The following PARP8 variants were observed in gnomAD, a reference collection of about 807,000 sequenced individuals.
PARP8 encodes protein mono-ADP-ribosyltransferase PARP8.
Under a neutral mutation model 124.1 loss-of-function variants are expected in PARP8, and 51 were observed. The ratio of observed to expected loss-of-function variants is 0.41; its 90% CI spans 0.33 to 0.52. The LOEUF is 0.52. PARP8 is among the 20% of genes least tolerant of loss of function. The probability of loss-of-function intolerance (pLI) is 0.21; values close to 1 mark genes in which losing one functional copy is unlikely to be tolerated. For missense variants in PARP8, 860 were observed against 1,018.9 expected (o/e 0.84, Z 2.12); for synonymous variants, 391 against 361.5 (o/e 1.08, Z -0.93).
At chr5:50,700,276 G>T (rs1369236379) in intron 2 of PARP8, among the ~76,000 whole-genome samples, 3 of 152,082 alleles carry the variant, frequency 2.0e-5, no homozygotes, top group African/African-American at 7.2e-5. Flanking sequence ...CCTTTAAATG[G>T]TTTTCCTCTT....
intron 24 of PARP8, 113 bp from the exon 25 acceptor site, chr5:50,834,818 T>A: frequency 1.2e-6 from 1 of 852,202 alleles, no homozygotes; most frequent in Non-Finnish European, 2.0e-6. Flanking sequence ...TATGTGTTCA[T>A]TAGTGCTTGT....
At chr5:50,753,661 G>A (rs895530451) in intron 3 of PARP8, among the ~76,000 whole-genome samples, 2 of 151,880 alleles carry the variant, frequency 1.3e-5, no homozygotes, top group East Asian at 1.9e-4. Flanking sequence ...ATTTAAAATA[G>A]GGATAATAAT....
In PARP8 at chr5:50,761,913, T is replaced by C. The variant is rs749063003; in HGVS notation, c.423+15T>C. ...ACGGAGGGCAGGTAAGGAAACCTGG[T>C]CTTCCAAATACCTAGTCTTAAAGTT... On this transcript the variant is annotated intron_variant, in intron 6 of 25. Coordinates refer to ENST00000281631, the MANE Select transcript of PARP8 (RefSeq NM_024615.4). 1.2e-5 allele frequency: 19 copies of C among 1,524,102 alleles called. No individual in the cohort carries two copies. In the African/African-American group the frequency reaches 2.5e-4, roughly 20 times the overall value. 94.4% of individuals were successfully genotyped at this position (1,524,102 alleles called of 1,614,324 possible). A position where few individuals can be genotyped will look rare whatever the true frequency, so the allele number is the denominator to read the frequency against.
In PARP8 at chr5:50,686,223, T is replaced by A. The variant is rs146019475; in HGVS notation, c.146+18098T>A. Among the ~76,000 whole-genome samples, 297 of 152,334 alleles carry A rather than the reference T, an allele frequency of 1.9e-3. 3 individuals are homozygous for A. Among genetic ancestry groups the A allele is most frequent in the African/African-American group, 6.8e-3 (281 of 41,578 alleles). ...TGCAGTCATTCCAAATGGGAGACAT[T>A]GGCCAAAACAGAGGGGCTACAGGCC... On this transcript the variant is annotated intron_variant, in intron 2 of 25. Transcript: ENST00000281631.
At chr5:50,702,125 G>C (rs1468656302) in intron 2 of PARP8, among the ~76,000 whole-genome samples, 1 of 151,980 alleles carries the variant, frequency 6.6e-6, no homozygotes, top group African/African-American at 2.4e-5. Context: ...GTATTCGTTT[G>C]CTTTTTCTTT....
At chr5:50,737,663 C>T (rs1757607849) in intron 2 of PARP8, among the ~76,000 whole-genome samples, 1 of 152,118 alleles carries the variant, frequency 6.6e-6, no homozygotes, top group African/African-American at 2.4e-5. Flanking sequence ...TTCATTGGAT[C>T]TTGGGTCAAC....
intron 16 of PARP8, 140 bp from the exon 17 acceptor site, chr5:50,822,195 T>G (rs1745834407): frequency 1.5e-6 from 1 of 668,962 alleles, no homozygotes; most frequent in Non-Finnish European, 2.7e-6. Context: ...CCCTTTTATG[T>G]ACACCAAACA....
At chr5:50,749,388 A>G (rs1758972721) in intron 2 of PARP8, among the ~76,000 whole-genome samples, 1 of 152,098 alleles carries the variant, frequency 6.6e-6, no homozygotes, top group Non-Finnish European at 1.5e-5. Context: ...AAATGATGAC[A>G]CTGCAAATAT....
intron 2 of PARP8, among the ~76,000 whole-genome samples, chr5:50,683,567 C>T (rs575675325): frequency 1.6e-4 from 25 of 152,052 alleles, no homozygotes; most frequent in Non-Finnish European, 2.9e-4. Context: ...TTAATATTGC[C>T]GGTCTCAGCA....
intron 7 of PARP8, among the ~76,000 whole-genome samples, chr5:50,771,617 A>C (rs374196345): frequency 6.6e-6 from 1 of 152,188 alleles, no homozygotes; most frequent in Non-Finnish European, 1.5e-5. Flanking sequence ...AATCAGTACA[A>C]ATTTCTTCTC....
intron 2 of PARP8, among the ~76,000 whole-genome samples, chr5:50,694,072 C>A (rs139845409): frequency 7.1e-4 from 108 of 152,222 alleles, no homozygotes; most frequent in Non-Finnish European, 1.1e-3. Context: ...CTGTACCATT[C>A]TTTATGTTTT....
chr5:50,746,114 C>T (rs1758516353), intron 2 of PARP8, among the ~76,000 whole-genome samples: 1 of 152,224 alleles, frequency 6.6e-6, no homozygotes. Context: ...TTCAATCTAT[C>T]CTAAATATTA....
At chr5:50,674,153 T>G (rs969020175) in intron 2 of PARP8, among the ~76,000 whole-genome samples, 12 of 152,314 alleles carry the variant, frequency 7.9e-5, no homozygotes, top group Admixed American at 2.6e-4. Flanking sequence ...CTGTTCCAAT[T>G]TATCCTACTT....
intron 2 of PARP8, among the ~76,000 whole-genome samples, chr5:50,727,695 A>G (rs1404337754): frequency 1.3e-5 from 2 of 152,160 alleles, no homozygotes; most frequent in East Asian, 3.9e-4. Context: ...TGAAAAAGTG[A>G]AAATTTTGAA....
chr5:50,698,214 G>A (rs966368459), intron 2 of PARP8, among the ~76,000 whole-genome samples: 1 of 152,166 alleles, frequency 6.6e-6, no homozygotes, highest in Admixed American at 6.6e-5. Context: ...TAAATTGGAG[G>A]TTTAGATAAG....
At chr5:50,810,719 T>C (rs1317883804) in intron 14 of PARP8, among the ~76,000 whole-genome samples, 1 of 152,042 alleles carries the variant, frequency 6.6e-6, no homozygotes, top group African/African-American at 2.4e-5. Flanking sequence ...AAAGGGAGAA[T>C]TACTACTCTA....
intron 15 of PARP8, among the ~76,000 whole-genome samples, chr5:50,820,627 C>A (rs890415797): frequency 4.6e-5 from 7 of 152,168 alleles, no homozygotes; most frequent in Admixed American, 4.6e-4. Context: ...TTAGCTATTC[C>A]TGGAGCATGC....
Position 50,741,305 on chromosome 5 carries a change from G to A in PARP8, c.147-8846G>A, listed in dbSNP as rs114891801. On this transcript the variant is annotated intron_variant, in intron 2 of 25. Coordinates refer to ENST00000281631, the MANE Select transcript of PARP8 (RefSeq NM_024615.4). Reference sequence around the variant, plus strand: ...CTACTATTCATATTTTATTGGAATTGTATTGTTGTCCTTTTATTTGTAGTC... The same window carrying A: ...CTACTATTCATATTTTATTGGAATTATATTGTTGTCCTTTTATTTGTAGTC... 6.7e-3 allele frequency among the ~76,000 whole-genome samples: 1,022 copies of A among 152,244 alleles called. 13 individuals carry two copies. Among genetic ancestry groups the A allele is most frequent in the African/African-American group, 0.023 (962 of 41,542 alleles).
chr5:50,677,705 A>T (rs373076851), intron 2 of PARP8, among the ~76,000 whole-genome samples: 44 of 152,270 alleles, frequency 2.9e-4, no homozygotes, highest in African/African-American at 9.6e-4. Flanking sequence ...CAGTATCCTC[A>T]ATATTTGATG....
Sources: allele counts gnomAD v4.1 joint callset (sites outside exome capture counted in the v4.1 genomes callset), GRCh38; gene constraint gnomAD v4.1.1; transcripts MANE v1.5; gene names NCBI Gene and HGNC (gene_info 2026-07-23, HGNC 2026-07-21).